Variants in ZNF207 observed in about 807,000 individuals in gnomAD.
ZNF207 encodes the protein zinc finger protein 207.
In ZNF207, 24 loss-of-function variants were observed where a neutral mutation model predicts 60.2. The ratio of observed to expected loss-of-function variants is 0.40; its 90% CI spans 0.29 to 0.56. The LOEUF is 0.56. ZNF207 is among the 20% of genes least tolerant of loss of function. ZNF207 has a pLI of 0.49. For synonymous variants in ZNF207, 236 were observed against 194.7 expected, an observed-to-expected ratio of 1.21 and a Z score of -1.77; for missense variants, 452 against 636.6, an observed-to-expected ratio of 0.71 and a Z score of 3.12.
At position 32,358,708 on chromosome 17, in the gene ZNF207, G is replaced by A. The variant is rs544570117; in HGVS notation, c.307+67G>A. On this transcript the variant is annotated intron_variant, in intron 3 of 11. Coordinates refer to ENST00000394670, the MANE Select transcript of ZNF207 (RefSeq NM_001098507.2). ...TTAATTTTTTTTTTTTTGAGACAGA[G>A]GCTTACTCTGTCCAGCCGAGGCTGG... 1.0e-4 allele frequency: 120 copies of A among 1,203,286 alleles called. No individual in the cohort carries two copies. In the African/African-American group the frequency reaches 1.7e-3, roughly 17 times the overall value. The allele number at this position is 1,203,286 out of a possible 1,614,324, so 74.5% of individuals were successfully genotyped here.
At chr17:32,354,893 C>A (rs1597758792) in intron 2 of ZNF207, among the ~76,000 whole-genome samples, 1 of 152,106 alleles carries the variant, frequency 6.6e-6, no homozygotes, top group South Asian at 2.1e-4. Context: ...GGATTACAGG[C>A]GTGAGCCACT....
rs1025313691 is a variant in ZNF207 at position 32,379,948 on chromosome 17, TTC to T, written c.*10191_*10192del. The T allele has an allele frequency of 1.7e-4, 26 of 152,352 alleles. No homozygotes were observed. The highest frequency in any genetic ancestry group is 8.3e-4 in the South Asian group (4 of 4,828). 9.4% of individuals were successfully genotyped at this position (152,352 alleles called of 1,614,324 possible). On this transcript the variant is annotated 3_prime_UTR_variant, in exon 12 of 12. Coordinates refer to ENST00000394670, the MANE Select transcript of ZNF207 (RefSeq NM_001098507.2). ...AGCATATGCTAAGAATGTTTTTACA[TTC>T]TGTTTCCTCCTGTGATCTTTCTGAA...
In ZNF207 at chr17:32,371,246, G is replaced by C. The variant is rs1567829034; in HGVS notation, c.*1487G>C. 1 of 152,088 alleles carries C rather than the reference G, an allele frequency of 6.6e-6. No individual in the cohort carries two copies. Among genetic ancestry groups the C allele is most frequent in the Non-Finnish European group, 1.5e-5 (1 of 68,010 alleles). The allele number at this position is 152,088 out of a possible 1,614,324, so 9.4% of individuals were successfully genotyped here. On this transcript the variant is annotated 3_prime_UTR_variant, in exon 12 of 12. Coordinates refer to ENST00000394670, the MANE Select transcript of ZNF207 (RefSeq NM_001098507.2). ...CTCATTATAAAGTTAAGACTTCTAA[G>C]AAAATGGTAACATTTCTTTATAACT... is the stretch of plus-strand genomic sequence containing the variant.
Position 32,375,903 on chromosome 17 carries a change from A to T in ZNF207, c.*6144A>T, listed in dbSNP as rs1213710502. The T allele has an allele frequency of 6.6e-6, 1 of 151,978 alleles. No homozygotes were observed. Among genetic ancestry groups the T allele is most frequent in the East Asian group, 1.9e-4 (1 of 5,198 alleles). 9.4% of individuals were successfully genotyped at this position (151,978 alleles called of 1,614,324 possible). A position where few individuals can be genotyped will look rare whatever the true frequency, so the allele number is the denominator to read the frequency against. On this transcript the variant is annotated 3_prime_UTR_variant, in exon 12 of 12. Transcript: ENST00000394670. Reference sequence around the variant, plus strand: ...TATAAGTAAACATTCCCCCAATTCCACTTATGCTAACTGTCTCATGACAGT... The same window carrying T: ...TATAAGTAAACATTCCCCCAATTCCTCTTATGCTAACTGTCTCATGACAGT...
chr17:32,354,619 CT>C (rs796325458), intron 2 of ZNF207, among the ~76,000 whole-genome samples: 50 of 144,520 alleles, frequency 3.5e-4, no homozygotes, highest in Admixed American at 7.6e-4. Flanking sequence ...CTCTATTAGA[CT>C]TTTTTTTTTT....
At chr17:32,362,772 T>G (rs1280858878) in intron 6 of ZNF207, 142 bp from the exon 7 acceptor site, 1 of 596,538 alleles carries the variant, frequency 1.7e-6, no homozygotes, top group Non-Finnish European at 2.9e-6. Context: ...TGTTGTGTGT[T>G]CTTTCAGCTT....
At chr17:32,351,730 T>G in intron 1 of ZNF207, 56 bp from the exon 2 acceptor site, 1 of 1,610,794 alleles carries the variant, frequency 6.2e-7, no homozygotes, top group African/African-American at 1.3e-5. Flanking sequence ...CCATATGTTT[T>G]TATTATAGGC....
At chr17:32,356,606 A>G (rs985254106) in intron 2 of ZNF207, among the ~76,000 whole-genome samples, 4 of 152,238 alleles carry the variant, frequency 2.6e-5, no homozygotes, top group African/African-American at 2.4e-5. Flanking sequence ...TTAGGAGGAA[A>G]GAAAAAATGA....
At chr17:32,353,548 G>C (rs918703282) in intron 2 of ZNF207, among the ~76,000 whole-genome samples, 1 of 151,974 alleles carries the variant, frequency 6.6e-6, no homozygotes, top group African/African-American at 2.4e-5. Flanking sequence ...TTGGGAGGCC[G>C]AGGCTGGTGG....
rs189780092 is a variant in ZNF207 at position 32,368,060 on chromosome 17, A to T, written c.1164+46A>T. The T allele has an allele frequency of 6.2e-5, 99 of 1,607,526 alleles. No individual in the cohort carries two copies. In the Admixed American group the frequency reaches 1.3e-3, roughly 21 times the overall value. On this transcript the variant is annotated intron_variant, in intron 10 of 11. Transcript: ENST00000394670. The stretch of plus-strand genomic sequence containing the variant: ...TACGAGCAGCATTTGATTTAAAGCC[A>T]TTATAGCAGTTCGTCCCTTTAAAAT...
chr17:32,350,425 G>C, intron 1 of ZNF207, 99 bp downstream of exon 1: 3 of 1,504,924 alleles, frequency 2.0e-6, no homozygotes, highest in Non-Finnish European at 2.8e-6. Flanking sequence ...TGGAGCGTTT[G>C]TATTTAGGCG....
intron 2 of ZNF207, among the ~76,000 whole-genome samples, chr17:32,353,275 C>A (rs1011187525): frequency 2.6e-5 from 4 of 152,132 alleles, no homozygotes; most frequent in African/African-American, 9.7e-5. Context: ...TAAGTACCTT[C>A]ATGTCTCATT....
intron 2 of ZNF207, among the ~76,000 whole-genome samples, chr17:32,353,811 C>CAAAAA (rs536502166): frequency 3.7e-4 from 41 of 110,508 alleles, no homozygotes; most frequent in African/African-American, 1.5e-3. Flanking sequence ...ACTCTGTCTC[C>CAAAAA]AAAAAAAAAA....
chr17:32,352,058 C>T, intron 2 of ZNF207, 146 bp downstream of exon 2: 1 of 729,812 alleles, frequency 1.4e-6, no homozygotes, highest in South Asian at 2.5e-5. Context: ...ACCTCTGCCT[C>T]TCGGGTTCAA....
intron 2 of ZNF207, among the ~76,000 whole-genome samples, chr17:32,352,183 T>C (rs2041520637): frequency 6.6e-6 from 1 of 152,178 alleles, no homozygotes; most frequent in Non-Finnish European, 1.5e-5. Flanking sequence ...TTGGCCAGGC[T>C]GGTCTCGAAC....
intron 9 of ZNF207, 96 bp downstream of exon 9, chr17:32,366,853 CTG>C (rs1461432889): frequency 8.8e-6 from 10 of 1,133,172 alleles, no homozygotes; most frequent in South Asian, 5.6e-5. Flanking sequence ...CAAAAATATA[CTG>C]TGTTTACTTT....
rs1386823955 is a variant in ZNF207 at position 32,368,077 on chromosome 17, C to G, written c.1164+63C>G. 4.4e-6 allele frequency: 7 copies of G among 1,589,742 alleles called. No individual in the cohort carries two copies. In the Admixed American group the frequency reaches 1.2e-4, roughly 27 times the overall value. On this transcript the variant is annotated intron_variant, in intron 10 of 11. Coordinates refer to ENST00000394670, the MANE Select transcript of ZNF207 (RefSeq NM_001098507.2). ...TTAAAGCCATTATAGCAGTTCGTCC[C>G]TTTAAAATAAGTGTTCATTTGTACT...
At chr17:32,358,113 A>G (rs938483618) in intron 2 of ZNF207, among the ~76,000 whole-genome samples, 2 of 152,190 alleles carry the variant, frequency 1.3e-5, no homozygotes, top group African/African-American at 2.4e-5. Flanking sequence ...CTGTTTCATA[A>G]TCTTTACTTA....
rs1486843937 is a variant in ZNF207 at position 32,372,628 on chromosome 17, G to C, written c.*2869G>C. 6.6e-6 allele frequency: 1 copy of C among 152,194 alleles called. No individual in the cohort carries two copies. The allele number at this position is 152,194 out of a possible 1,614,324, so 9.4% of individuals were successfully genotyped here. A position where few individuals can be genotyped will look rare whatever the true frequency, so the allele number is the denominator to read the frequency against. ...TCCTGAGTTTGTAGCTATAGGCTCA[G>C]AGGTGGTGTACCCATTTAATATATT... On this transcript the variant is annotated 3_prime_UTR_variant, in exon 12 of 12. Coordinates refer to ENST00000394670, the MANE Select transcript of ZNF207 (RefSeq NM_001098507.2).
Sources: allele counts gnomAD v4.1 joint callset (sites outside exome capture counted in the v4.1 genomes callset), GRCh38; gene constraint gnomAD v4.1.1; transcripts MANE v1.5; gene names NCBI Gene and HGNC (gene_info 2026-07-23, HGNC 2026-07-21).